SV2C: variants seen among roughly 807,000 people sequenced by gnomAD.
SV2C encodes synaptic vesicle glycoprotein 2C, also known as solute carrier family 22 member B3.
A neutral mutation model predicts 79.7 loss-of-function variants in SV2C; 49 were observed. The ratio of observed to expected loss-of-function variants is 0.61; its 90% CI spans 0.49 to 0.78. SV2C has a LOEUF of 0.78. SV2C is among the 30% of genes least tolerant of loss of function. The pLI, the probability that SV2C is intolerant of heterozygous loss-of-function variation, is 0.00. For synonymous variants in SV2C, 334 were observed against 333.2 expected (o/e 1.00, Z -0.03); for missense variants, 833 against 912.9 (o/e 0.91, Z 1.13).
At chr5:76,013,992 T>A in the SV2C span, among the ~76,000 whole-genome samples, 2 of 152,194 alleles carry the variant, frequency 1.3e-5, no homozygotes, top group South Asian at 4.1e-4. Flanking sequence ...GAGGCTTAGA[T>A]TGTGAATGCT....
the SV2C span, among the ~76,000 whole-genome samples, chr5:76,006,534 G>A: frequency 6.6e-6 from 1 of 152,092 alleles, no homozygotes; most frequent in East Asian, 1.9e-4. Flanking sequence ...CAGAAAATGT[G>A]TGCAGAATAT....
chr5:76,030,381 T>C, the SV2C span, among the ~76,000 whole-genome samples: 12 of 150,498 alleles, frequency 8.0e-5, no homozygotes, highest in Non-Finnish European at 1.8e-4. Context: ...CAGAAATCTT[T>C]TGGAGAAGAA....
chr5:76,184,294 A>C (rs1743840798), intron 2 of SV2C, among the ~76,000 whole-genome samples: 1 of 152,094 alleles, frequency 6.6e-6, no homozygotes, highest in Admixed American at 6.6e-5. Flanking sequence ...GTCCTATTCA[A>C]GTTTGTGGAC....
chr5:76,313,548 T>G (rs1384168244), intron 12 of SV2C, among the ~76,000 whole-genome samples: 1 of 152,178 alleles, frequency 6.6e-6, no homozygotes, highest in Non-Finnish European at 1.5e-5. Flanking sequence ...AAGTTTGTTT[T>G]TGAGCTCCAA....
the SV2C span, among the ~76,000 whole-genome samples, chr5:76,028,228 T>A: frequency 1.3e-5 from 2 of 152,230 alleles, no homozygotes; most frequent in Admixed American, 6.5e-5. Context: ...TCACTGTCCT[T>A]CATTCAGCAT....
the SV2C span, among the ~76,000 whole-genome samples, chr5:76,074,596 G>GA: frequency 3.3e-5 from 5 of 152,018 alleles, no homozygotes; most frequent in African/African-American, 7.2e-5. Flanking sequence ...GCCTCTTTCA[G>GA]AAAAAAGTAT....
intron 11 of SV2C, among the ~76,000 whole-genome samples, 178 bp downstream of exon 11, chr5:76,301,110 T>TAA (rs1747982307): frequency 6.6e-6 from 1 of 152,240 alleles, no homozygotes; most frequent in South Asian, 2.1e-4. Flanking sequence ...ATTTGAGTGG[T>TAA]TTCCATGAGT....
rs370011561 is a variant in SV2C at position 76,132,272 on chromosome 5, C to T, written c.522C>T (p.Phe174=). 4.5e-5 allele frequency: 73 copies of T among 1,613,954 alleles called. 1 individual carries two copies. In the African/African-American group the frequency reaches 7.1e-4, roughly 16 times the overall value. Residue 174 remains phenylalanine, a synonymous_variant, in exon 2 of 13, where the codon TTC becomes TTT. Transcript: ENST00000502798. ...ADGVEVFVVG[F]VLPSAETDLC... The stretch of plus-strand genomic sequence containing the variant: ...GTGTAGAGGTGTTTGTCGTTGGCTT[C>T]GTGTTACCCAGTGCTGAGACAGACC...
chr5:76,248,569 A>G (rs1044329269), intron 4 of SV2C, among the ~76,000 whole-genome samples: 6 of 152,048 alleles, frequency 3.9e-5, no homozygotes, highest in African/African-American at 7.3e-5. Flanking sequence ...AGTTCAGCCC[A>G]TAACAGCAGC....
chr5:76,146,984 A>T (rs986354789), intron 2 of SV2C, among the ~76,000 whole-genome samples: 2 of 152,162 alleles, frequency 1.3e-5, no homozygotes, highest in Non-Finnish European at 2.9e-5. Context: ...TAGAATAGGC[A>T]AACTCATGGA....
intron 12 of SV2C, among the ~76,000 whole-genome samples, chr5:76,322,564 A>AC (rs1484400756): frequency 6.6e-6 from 1 of 152,212 alleles, no homozygotes; most frequent in Non-Finnish European, 1.5e-5. Context: ...ACCAAGGAAG[A>AC]CCCCATATAG....
the SV2C span, among the ~76,000 whole-genome samples, chr5:75,904,241 A>G: frequency 6.6e-6 from 1 of 152,110 alleles, no homozygotes; most frequent in South Asian, 2.1e-4. Context: ...TATTTTGGCG[A>G]GGGTATTTTG....
the SV2C span, among the ~76,000 whole-genome samples, chr5:75,867,953 G>A: frequency 6.6e-6 from 1 of 152,182 alleles, no homozygotes; most frequent in Non-Finnish European, 1.5e-5. Context: ...ACTCTCAAGG[G>A]GGTGCATAGT....
At chr5:76,217,020 G>T (rs780671419) in intron 4 of SV2C, among the ~76,000 whole-genome samples, 1 of 152,194 alleles carries the variant, frequency 6.6e-6, no homozygotes, top group Admixed American at 6.5e-5. Context: ...TGTAGCAAAG[G>T]TGTTCAATTA....
At chr5:75,947,211 T>A in the SV2C span, among the ~76,000 whole-genome samples, 2 of 151,898 alleles carry the variant, frequency 1.3e-5, no homozygotes, top group African/African-American at 4.8e-5. Flanking sequence ...AGATCAGGAG[T>A]TGTGTCTTGA....
intron 2 of SV2C, among the ~76,000 whole-genome samples, chr5:76,135,174 G>A (rs1465525650): frequency 6.6e-6 from 1 of 152,196 alleles, no homozygotes; most frequent in African/African-American, 2.4e-5. Flanking sequence ...ACCAATTAAT[G>A]AAAGAATGGC....
intron 4 of SV2C, among the ~76,000 whole-genome samples, chr5:76,249,419 C>G (rs1746045894): frequency 2.0e-5 from 3 of 152,044 alleles, no homozygotes. Flanking sequence ...AAAAAAAGAC[C>G]ATGTGAAGTA....
At chr5:76,137,322 G>T (rs1303162840) in intron 2 of SV2C, among the ~76,000 whole-genome samples, 1 of 152,210 alleles carries the variant, frequency 6.6e-6, no homozygotes, top group African/African-American at 2.4e-5. Context: ...TAGGGTGACA[G>T]AGGTGTCAGA....
chr5:76,040,581 T>A, the SV2C span, among the ~76,000 whole-genome samples: 2 of 152,160 alleles, frequency 1.3e-5, no homozygotes, highest in Non-Finnish European at 2.9e-5. Flanking sequence ...AAGGGAGTTG[T>A]CACAGAGGAA....
Sources: allele counts gnomAD v4.1 joint callset (sites outside exome capture counted in the v4.1 genomes callset), GRCh38; gene constraint gnomAD v4.1.1; transcripts MANE v1.5; gene names NCBI Gene and HGNC (gene_info 2026-07-23, HGNC 2026-07-21).